CNTN5: variants seen among roughly 807,000 people sequenced by gnomAD.
CNTN5 encodes contactin 5, also known as contactin-5.
CNTN5 carries 77 observed loss-of-function variants against 129.1 expected under a neutral mutation model. The ratio of observed to expected loss-of-function variants is 0.60; its 90% CI spans 0.50 to 0.72. The LOEUF is 0.72. CNTN5 is among the 30% of genes least tolerant of loss of function. The pLI is 0.00. For synonymous variants in CNTN5, 509 were observed against 465.6 expected (o/e 1.09, Z -1.20); for missense variants, 1,478 against 1,328.8 (o/e 1.11, Z -1.75).
chr11:99,598,462 T>TTC (rs1565336075), intron 3 of CNTN5, among the ~76,000 whole-genome samples: 84 of 133,690 alleles, frequency 6.3e-4, no homozygotes, highest in African/African-American at 2.2e-3. Context: ...TCCTTCCTTT[T>TTC]TCCCTTCCTT....
intron 16 of CNTN5, 69 bp downstream of exon 16, chr11:100,224,881 C>G: frequency 6.6e-7 from 1 of 1,516,822 alleles, no homozygotes; most frequent in Non-Finnish European, 9.1e-7. Context: ...AATTTAAATG[C>G]ATGGACTTTG....
At chr11:100,214,810 C>T (rs1465193837) in intron 15 of CNTN5, among the ~76,000 whole-genome samples, 1 of 152,178 alleles carries the variant, frequency 6.6e-6, no homozygotes, top group Non-Finnish European at 1.5e-5. Context: ...TACTCCAAAA[C>T]CTAGCAGTAT....
intron 13 of CNTN5, among the ~76,000 whole-genome samples, chr11:100,133,131 A>G (rs1202113771): frequency 1.3e-5 from 2 of 152,170 alleles, no homozygotes; most frequent in Non-Finnish European, 2.9e-5. Flanking sequence ...AGATCAAAAG[A>G]AATTATATAC....
intron 3 of CNTN5, among the ~76,000 whole-genome samples, chr11:99,674,797 A>G (rs1418715148): frequency 2.0e-5 from 3 of 152,122 alleles, no homozygotes; most frequent in African/African-American, 4.8e-5. Context: ...CATCTTCTCC[A>G]GTGAATTGAC....
At chr11:99,449,019 G>A (rs1334422322) in intron 2 of CNTN5, among the ~76,000 whole-genome samples, 2 of 151,980 alleles carry the variant, frequency 1.3e-5, no homozygotes, top group African/African-American at 4.8e-5. Flanking sequence ...CTGAGCTCAA[G>A]CGATTCGCCT....
intron 17 of CNTN5, 91 bp downstream of exon 17, chr11:100,256,009 G>T: frequency 8.8e-7 from 1 of 1,134,964 alleles, no homozygotes; most frequent in Non-Finnish European, 1.2e-6. Context: ...TGATTTTTTT[G>T]GATTCTGAAA....
intron 7 of CNTN5, among the ~76,000 whole-genome samples, chr11:99,918,717 C>A (rs928939560): frequency 6.6e-6 from 1 of 152,112 alleles, no homozygotes; most frequent in Non-Finnish European, 1.5e-5. Flanking sequence ...AAGTCAGATA[C>A]AAAAGAATTT....
intron 1 of CNTN5, among the ~76,000 whole-genome samples, chr11:99,210,432 C>T (rs1342511629): frequency 2.0e-5 from 3 of 151,950 alleles, no homozygotes; most frequent in Non-Finnish European, 2.9e-5. Flanking sequence ...GTAGCAGCTG[C>T]CTCTTGGTCT....
chr11:99,460,076 T>C (rs1043715413), intron 2 of CNTN5, among the ~76,000 whole-genome samples: 2 of 151,936 alleles, frequency 1.3e-5, no homozygotes, highest in African/African-American at 2.4e-5. Flanking sequence ...TAGTTGGACA[T>C]GGAGGACTAG....
intron 16 of CNTN5, among the ~76,000 whole-genome samples, chr11:100,244,407 T>C (rs1370384748): frequency 2.0e-5 from 3 of 152,204 alleles, no homozygotes; most frequent in Non-Finnish European, 4.4e-5. Flanking sequence ...ATGGAGTGAA[T>C]TCCTAAGTCA....
At chr11:99,717,853 C>A (rs990318387) in intron 3 of CNTN5, among the ~76,000 whole-genome samples, 2 of 152,032 alleles carry the variant, frequency 1.3e-5, no homozygotes, top group African/African-American at 2.4e-5. Flanking sequence ...GAATGATACA[C>A]AATTAAAACC....
chr11:99,621,980 T>A (rs532656692), intron 3 of CNTN5, among the ~76,000 whole-genome samples: 18 of 152,198 alleles, frequency 1.2e-4, no homozygotes, highest in Non-Finnish European at 2.4e-4. Context: ...TCTAACATCA[T>A]GGATAAAATC....
At chr11:99,139,109 C>T (rs1013029531) in intron 1 of CNTN5, among the ~76,000 whole-genome samples, 4 of 51,530 alleles carry the variant, frequency 7.8e-5, no homozygotes, top group African/African-American at 3.2e-4. Flanking sequence ...CCACCCCCCC[C>T]CCCCAAAAAT....
intron 3 of CNTN5, among the ~76,000 whole-genome samples, chr11:99,717,238 C>T (rs558443962): frequency 6.6e-6 from 1 of 152,034 alleles, no homozygotes; most frequent in African/African-American, 2.4e-5. Flanking sequence ...TTTGAACTTT[C>T]AAGAGAATAT....
At chr11:100,276,882 T>C (rs1242930511) in intron 18 of CNTN5, among the ~76,000 whole-genome samples, 3 of 152,076 alleles carry the variant, frequency 2.0e-5, no homozygotes, top group Non-Finnish European at 4.4e-5. Context: ...AGTCACCCTG[T>C]TATGCTAGCA....
chr11:99,587,653 A>C (rs1226800934), intron 3 of CNTN5, among the ~76,000 whole-genome samples: 1 of 152,150 alleles, frequency 6.6e-6, no homozygotes, highest in South Asian at 2.1e-4. Flanking sequence ...ATATGTTATG[A>C]AGATGGGGGT....
At chr11:99,043,644 C>T (rs11218171) in intron 1 of CNTN5, among the ~76,000 whole-genome samples, 2,061 of 152,106 alleles carry the variant, frequency 0.014, 48 homozygotes, top group African/African-American at 0.047. Flanking sequence ...TGCTAAACTT[C>T]CTTTATAGAT....
chr11:99,790,805 C>G (rs1591185165), intron 3 of CNTN5, among the ~76,000 whole-genome samples: 1 of 152,056 alleles, frequency 6.6e-6, no homozygotes, highest in African/African-American at 2.4e-5. Context: ...ATAAGCCATC[C>G]CTTTTTCTGC....
chr11:99,402,215 T>C (rs1489799539), intron 2 of CNTN5, among the ~76,000 whole-genome samples: 5 of 152,332 alleles, frequency 3.3e-5, no homozygotes, highest in African/African-American at 1.2e-4. Context: ...CTGTCCTATG[T>C]GGCTTTTATT....
Sources: gnomAD v4.1 joint callset for allele counts (sites outside exome capture counted in the v4.1 genomes callset) on GRCh38, gnomAD v4.1.1 for gene constraint, MANE v1.5 for transcripts, NCBI Gene and HGNC (gene_info 2026-07-23, HGNC 2026-07-21) for gene names.